TRPM3: variants seen among roughly 807,000 people sequenced by gnomAD.
The protein encoded by TRPM3 is transient receptor potential cation channel subfamily M member 3.
A neutral mutation model predicts 181.2 loss-of-function variants in TRPM3; 77 were observed. That is an observed-to-expected ratio of 0.42 (90% CI 0.35 to 0.51). The LOEUF is 0.51. TRPM3 is among the 20% of genes least tolerant of loss of function. The probability of loss-of-function intolerance (pLI) is 0.01; values close to 1 mark genes in which losing one functional copy is unlikely to be tolerated. For missense variants in TRPM3, 1,759 were observed against 2,196.7 expected (o/e 0.80, Z 3.98); for synonymous variants, 745 against 796.4 (o/e 0.94, Z 1.09).
At chr9:71,370,554 T>A (rs959260196) in intron 1 of TRPM3, among the ~76,000 whole-genome samples, 6 of 152,162 alleles carry the variant, frequency 3.9e-5, no homozygotes, top group African/African-American at 1.4e-4. Context: ...CTCTCTTCAA[T>A]TCTATAAAGT....
At chr9:71,027,738 G>T (rs1007239797) in intron 1 of TRPM3, among the ~76,000 whole-genome samples, 1 of 152,066 alleles carries the variant, frequency 6.6e-6, no homozygotes, top group Non-Finnish European at 1.5e-5. Context: ...CTAGCTTTTG[G>T]AAATAAGACA....
intron 19 of TRPM3, among the ~76,000 whole-genome samples, chr9:70,604,815 T>C (rs1167315300): frequency 1.3e-5 from 2 of 151,744 alleles, no homozygotes; most frequent in African/African-American, 4.8e-5. Context: ...CCCAGCTAAG[T>C]TTTTGTATTT....
At chr9:71,254,284 A>T (rs1251908870) in intron 1 of TRPM3, among the ~76,000 whole-genome samples, 1 of 152,212 alleles carries the variant, frequency 6.6e-6, no homozygotes, top group Non-Finnish European at 1.5e-5. Context: ...TCTCACTTAT[A>T]TATGGAATCT....
chr9:70,667,363 T>C (rs2061991681), intron 9 of TRPM3, among the ~76,000 whole-genome samples: 1 of 152,196 alleles, frequency 6.6e-6, no homozygotes, highest in African/African-American at 2.4e-5. Flanking sequence ...TTCCAGTCTT[T>C]TGCCTGGAGG....
intron 6 of TRPM3, among the ~76,000 whole-genome samples, chr9:70,792,081 G>C (rs539580042): frequency 6.6e-6 from 1 of 152,104 alleles, no homozygotes; most frequent in Non-Finnish European, 1.5e-5. Flanking sequence ...CATGGTGTCC[G>C]CCCTATCCCC....
At chr9:70,888,768 A>G (rs970509751) in intron 1 of TRPM3, among the ~76,000 whole-genome samples, 8 of 152,170 alleles carry the variant, frequency 5.3e-5, no homozygotes, top group Non-Finnish European at 5.9e-5. Flanking sequence ...GTTCCCTTCA[A>G]GCCGACTTTT....
chr9:71,003,311 T>C (rs2097635175), intron 1 of TRPM3, among the ~76,000 whole-genome samples: 1 of 152,044 alleles, frequency 6.6e-6, no homozygotes, highest in Non-Finnish European at 1.5e-5. Flanking sequence ...TTGTGCAAAG[T>C]TCATTCAGTC....
At chr9:71,169,359 C>G (rs1469629790) in intron 1 of TRPM3, among the ~76,000 whole-genome samples, 1 of 152,094 alleles carries the variant, frequency 6.6e-6, no homozygotes, top group East Asian at 1.9e-4. Flanking sequence ...ATTGATTCTA[C>G]ATAAGAAGAG....
intron 8 of TRPM3, among the ~76,000 whole-genome samples, chr9:70,697,297 A>T (rs905155007): frequency 6.6e-6 from 1 of 152,230 alleles, no homozygotes; most frequent in African/African-American, 2.4e-5. Flanking sequence ...CCCATCTACA[A>T]TGAACCTTAT....
intron 1 of TRPM3, among the ~76,000 whole-genome samples, chr9:71,109,022 A>G (rs2070410635): frequency 6.6e-6 from 1 of 151,360 alleles, no homozygotes; most frequent in African/African-American, 2.4e-5. Context: ...GAAGGCCTGA[A>G]TAGAACAAAA....
intron 1 of TRPM3, among the ~76,000 whole-genome samples, chr9:71,286,037 A>G (rs1290006356): frequency 3.3e-5 from 5 of 152,204 alleles, no homozygotes; most frequent in Admixed American, 1.3e-4. Context: ...AGGGAAAGAA[A>G]AAAGTGATTC....
rs1300006230 is a variant in TRPM3, at chr9:71,069,982, G to A, written c.177+51196C>T. ...ATCTGTTCTGAGCAAGAAAAAGTAG[G>A]TTTAAAGCCACCAGTCTAATACTTT... On this transcript the variant is annotated intron_variant, in intron 1 of 25. Transcript: ENST00000677713. 3.0e-4 allele frequency among the ~76,000 whole-genome samples: 45 copies of A among 152,160 alleles called. 1 individual carries two copies. The highest frequency in any genetic ancestry group is 2.9e-3 in the Admixed American group (45 of 15,266).
chr9:70,692,054 C>T (rs777446843), intron 8 of TRPM3, among the ~76,000 whole-genome samples: 16 of 152,202 alleles, frequency 1.1e-4, no homozygotes, highest in South Asian at 2.1e-4. Context: ...GGGTTGGACA[C>T]GCTTGCGGGG....
At chr9:70,548,430 G>A (rs1487504526) in intron 25 of TRPM3, among the ~76,000 whole-genome samples, 2 of 152,104 alleles carry the variant, frequency 1.3e-5, no homozygotes, top group South Asian at 2.1e-4. Flanking sequence ...AGAAATAAAG[G>A]GCCAGGGACA....
chr9:70,689,611 A>G (rs1299289600), intron 8 of TRPM3, among the ~76,000 whole-genome samples: 1 of 152,096 alleles, frequency 6.6e-6, no homozygotes, highest in Non-Finnish European at 1.5e-5. Context: ...GACGGAACCA[A>G]TAAGAGAATG....
rs147117412 is a variant in TRPM3, at chr9:71,250,832, C to T, written c.183+195821G>A. On this transcript the variant is annotated intron_variant, in intron 1 of 24. Coordinates refer to the TRPM3 transcript ENST00000357533. The stretch of plus-strand genomic sequence containing the variant: ...GGTAGGCAGAGTAGCTACAGGACAA[C>T]GAACAAAGGGGAGAGTAAGATGACC... Among the ~76,000 whole-genome samples, 148 of 152,008 alleles carry T rather than the reference C, an allele frequency of 9.7e-4. 1 individual carries two copies. Among genetic ancestry groups the T allele is most frequent in the Non-Finnish European group, 1.9e-3 (127 of 68,000 alleles).
chr9:70,955,850 C>T (rs753245469), intron 1 of TRPM3, among the ~76,000 whole-genome samples: 1 of 152,178 alleles, frequency 6.6e-6, no homozygotes, highest in African/African-American at 2.4e-5. Context: ...ATCTAACAAG[C>T]TCAGTGGTAA....
chr9:70,554,941 A>G (rs2047287291), intron 22 of TRPM3, among the ~76,000 whole-genome samples: 1 of 152,132 alleles, frequency 6.6e-6, no homozygotes, highest in Admixed American at 6.5e-5. Flanking sequence ...ACAGCCCTGT[A>G]AGAGGTCCTG....
chr9:70,646,553 C>A (rs115541042), intron 9 of TRPM3, among the ~76,000 whole-genome samples: 2,699 of 152,056 alleles, frequency 0.018, 84 homozygotes, highest in African/African-American at 0.061. Context: ...AAACATCACA[C>A]GCCAGGGCCT....
Sources: gnomAD v4.1 joint callset for allele counts (sites outside exome capture counted in the v4.1 genomes callset) on GRCh38, gnomAD v4.1.1 for gene constraint, MANE v1.5 for transcripts, NCBI Gene and HGNC (gene_info 2026-07-23, HGNC 2026-07-21) for gene names.